PDZD2: variants seen among roughly 807,000 people sequenced by gnomAD.
PDZD2 encodes the protein PDZ domain containing 2, also known as PDZ domain-containing protein 2.
Under a neutral mutation model 220.7 loss-of-function variants are expected in PDZD2, and 90 were observed. That is an observed-to-expected ratio of 0.41 (90% CI 0.34 to 0.49). The LOEUF is 0.49. PDZD2 is among the 20% of genes least tolerant of loss of function. The pLI, the probability that PDZD2 is intolerant of heterozygous loss-of-function variation, is 0.28. For missense variants in PDZD2, 3,174 were observed against 3,608.5 expected (o/e 0.88, Z 3.08); for synonymous variants, 1,375 against 1,450.5 (o/e 0.95, Z 1.18).
intron 2 of PDZD2, among the ~76,000 whole-genome samples, chr5:31,879,976 C>A (rs558810824): frequency 1.3e-5 from 2 of 149,022 alleles, no homozygotes; most frequent in East Asian, 2.0e-4. Flanking sequence ...TGCAATGGCA[C>A]GATCTCAGCT....
rs1166580506 is a variant in PDZD2, at chr5:32,098,371, G to A, written c.7955G>A (p.Arg2652Lys). 1 of 1,614,120 alleles carries A rather than the reference G, an allele frequency of 6.2e-7. No individual in the cohort carries two copies. The highest frequency in any genetic ancestry group is 1.7e-5 in the Admixed American group (1 of 60,012). The change falls in exon 23 of 25, where the codon AGG becomes AAG. Residue 2652 changes from arginine to lysine, a missense_variant. Coordinates refer to ENST00000438447, the MANE Select transcript of PDZD2 (RefSeq NM_178140.4). This position sits in a 1 kb window ranked among gnomAD's most constrained non-coding sequence, Gnocchi z 4.1. ...TTCCTTTCCTCATCCCAGGTCCACA[G>A]GGTGTTTTCTCAGGGGGCGGCTTCT... The part of the protein sequence containing the change: ...DVEPKSITVH[R>K]VFSQGAASQE...
chr5:31,772,418 T>G (rs1454626233), intron 1 of PDZD2, among the ~76,000 whole-genome samples: 1 of 152,218 alleles, frequency 6.6e-6, no homozygotes, highest in African/African-American at 2.4e-5. Context: ...GCTACCTGCA[T>G]CAGGAATAAG....
At chr5:32,041,629 A>G (rs985217149) in intron 7 of PDZD2, among the ~76,000 whole-genome samples, 2 of 152,124 alleles carry the variant, frequency 1.3e-5, no homozygotes, top group Non-Finnish European at 2.9e-5. Flanking sequence ...TTGTTAAACA[A>G]ATGCTTGAAG....
intron 2 of PDZD2, among the ~76,000 whole-genome samples, chr5:31,930,441 C>T (rs1470259491): frequency 3.9e-5 from 6 of 151,960 alleles, no homozygotes; most frequent in East Asian, 2.0e-4. Flanking sequence ...CCTCGTGATC[C>T]GCCCGCCTCG....
At position 32,092,995 on chromosome 5, in the gene PDZD2, C is replaced by G. The variant is rs1180077252; in HGVS notation, c.7816C>G (p.Leu2606Val). The stretch of plus-strand genomic sequence containing the variant: ...GGGATCGAAATCTACCATCCTAACT[C>G]TCATTCAGGAAGCGAAAGCACAATC... ...SVGSKSTILTLIQEAKAQSEN... is the reference protein window; with the variant it reads ...SVGSKSTILTVIQEAKAQSEN... Residue 2606 changes from leucine to valine, a missense_variant, in exon 21 of 25, where the codon CTC (leucine) becomes GTC (valine). Around this residue, in one of 4 missense-constraint regions of PDZD2, gnomAD observed 631 missense variants for 789.9 expected, o/e 0.80. Coordinates refer to ENST00000438447, the MANE Select transcript of PDZD2 (RefSeq NM_178140.4). 1 of 1,591,690 alleles carries G rather than the reference C, an allele frequency of 6.3e-7. No individual in the cohort carries two copies. Among genetic ancestry groups the G allele is most frequent in the East Asian group, 2.2e-5 (1 of 44,752 alleles).
chr5:32,022,185 G>GGTT (rs1754253764), intron 6 of PDZD2, among the ~76,000 whole-genome samples: 4 of 135,592 alleles, frequency 3.0e-5, no homozygotes, highest in African/African-American at 1.1e-4. Context: ...TTGTTTTTTT[G>GGTT]TTTTTTTGTT....
At chr5:31,648,017 T>C (rs1315065569) in intron 1 of PDZD2, among the ~76,000 whole-genome samples, 1 of 152,172 alleles carries the variant, frequency 6.6e-6, no homozygotes, top group African/African-American at 2.4e-5. Flanking sequence ...GCTGGGGAAA[T>C]AGATGGATGA....
chr5:32,035,638 AT>A (rs1755478124), intron 6 of PDZD2, among the ~76,000 whole-genome samples: 1 of 151,362 alleles, frequency 6.6e-6, no homozygotes, highest in South Asian at 2.1e-4. Context: ...ACCCAGCTAT[AT>A]ACTGAATTTA....
At chr5:31,831,697 G>A (rs192980459) in intron 2 of PDZD2, among the ~76,000 whole-genome samples, 116 of 150,192 alleles carry the variant, frequency 7.7e-4, no homozygotes, top group African/African-American at 2.6e-3. Context: ...GCAGTGAGCC[G>A]AGATTGCGCC....
chr5:31,773,546 A>T (rs534531250), intron 1 of PDZD2, among the ~76,000 whole-genome samples: 137 of 152,072 alleles, frequency 9.0e-4, no homozygotes, highest in African/African-American at 3.2e-3. Flanking sequence ...AGCTACTTGG[A>T]GGCTGAGGCA....
At chr5:31,667,444 A>G (rs1398249437) in intron 1 of PDZD2, among the ~76,000 whole-genome samples, 1 of 152,040 alleles carries the variant, frequency 6.6e-6, no homozygotes, top group Non-Finnish European at 1.5e-5. Context: ...CTTCCGGAAG[A>G]AAAATGAGGC....
chr5:31,971,994 C>T (rs1010022258), intron 2 of PDZD2, among the ~76,000 whole-genome samples: 3 of 152,220 alleles, frequency 2.0e-5, no homozygotes, highest in African/African-American at 4.8e-5. Context: ...GGTAGCTGCA[C>T]GGCCAACTCT....
chr5:31,750,833 G>A (rs1308512717), intron 1 of PDZD2, among the ~76,000 whole-genome samples: 1 of 152,178 alleles, frequency 6.6e-6, no homozygotes, highest in Non-Finnish European at 1.5e-5. Context: ...GAGTGAGTAG[G>A]GTGGGTTGTG....
chr5:31,736,963 A>G (rs1393703205), intron 1 of PDZD2, among the ~76,000 whole-genome samples: 2 of 151,682 alleles, frequency 1.3e-5, no homozygotes, highest in Admixed American at 1.3e-4. Flanking sequence ...GCCTTCCACC[A>G]TGAGGCCTCC....
chr5:31,714,261 C>A (rs1197646549), intron 1 of PDZD2, among the ~76,000 whole-genome samples: 1 of 152,168 alleles, frequency 6.6e-6, no homozygotes, highest in African/African-American at 2.4e-5. Flanking sequence ...GGGTCAGGTA[C>A]CCCCAGAGGC....
chr5:31,677,304 A>T (rs909049602), intron 1 of PDZD2, among the ~76,000 whole-genome samples: 6 of 152,186 alleles, frequency 3.9e-5, no homozygotes, highest in African/African-American at 1.2e-4. Flanking sequence ...TCTAAAAAAA[A>T]TTTTTATTTG....
chr5:32,041,174 A>T (rs4867415), intron 7 of PDZD2, among the ~76,000 whole-genome samples: 1 of 100,062 alleles, frequency 1.0e-5, no homozygotes, highest in African/African-American at 4.2e-5. Context: ...CCGTCTGGGA[A>T]GTGGGGAGCG....
intron 6 of PDZD2, among the ~76,000 whole-genome samples, chr5:32,018,569 T>C (rs1332705693): frequency 1.3e-5 from 2 of 152,222 alleles, no homozygotes; most frequent in Non-Finnish European, 2.9e-5. Context: ...TCCTGTTATA[T>C]AGACCAGAGC....
chr5:31,777,740 A>G (rs1752786623), intron 1 of PDZD2, among the ~76,000 whole-genome samples: 1 of 151,466 alleles, frequency 6.6e-6, no homozygotes, highest in African/African-American at 2.4e-5. Flanking sequence ...ATGTCTAGCT[A>G]AAGGATTGTA....
Sources: gnomAD v4.1 joint callset for allele counts (sites outside exome capture counted in the v4.1 genomes callset) on GRCh38, gnomAD v4.1.1 for gene constraint, gnomAD v4.1.1 regional missense constraint, Gnocchi (gnomAD v3.1) non-coding constraint, MANE v1.5 for transcripts, NCBI Gene and HGNC (gene_info 2026-07-23, HGNC 2026-07-21) for gene names.